MARK2: variants seen among roughly 807,000 people sequenced by gnomAD.
MARK2 encodes microtubule affinity regulating kinase 2.
MARK2 carries 16 observed loss-of-function variants against 89.8 expected under a neutral mutation model. That is an observed-to-expected ratio of 0.18 (90% confidence interval 0.12 to 0.27). The LOEUF (loss-of-function observed/expected upper bound fraction) is 0.27, where lower values mean the gene tolerates loss of function less well. MARK2 is among the 10% of genes least tolerant of loss of function. MARK2 has a pLI of 1.00. For synonymous variants in MARK2, 382 were observed against 399.5 expected, an observed-to-expected ratio of 0.96 and a Z score of 0.52; for missense variants, 621 against 1,049.9, an observed-to-expected ratio of 0.59 and a Z score of 5.65.
At chr11:63,901,720 G>GTA (rs1554985528) in intron 11 of MARK2, among the ~76,000 whole-genome samples, 1 of 151,492 alleles carries the variant, frequency 6.6e-6, no homozygotes, top group Non-Finnish European at 1.5e-5. Flanking sequence ...GTGTGTGTGT[G>GTA]TGTATGTGTC....
At chr11:63,840,600 GTA>G (rs1395876146) in intron 1 of MARK2, among the ~76,000 whole-genome samples, 1 of 152,158 alleles carries the variant, frequency 6.6e-6, no homozygotes, top group Non-Finnish European at 1.5e-5. Context: ...GGCACTTAGA[GTA>G]TTTTCTTTCT....
chr11:63,896,791 T>C (rs1487138034), intron 3 of MARK2, among the ~76,000 whole-genome samples: 1 of 152,172 alleles, frequency 6.6e-6, no homozygotes, highest in African/African-American at 2.4e-5. Context: ...GGGCTGCTTA[T>C]GACATCCTGG....
chr11:63,904,433 G>T lies in MARK2; in HGVS notation c.1676+286G>T, dbSNP rs757816416. On this transcript the variant is annotated intron_variant, in intron 15 of 18. Transcript: ENST00000402010. This position sits in a 1 kb window ranked among gnomAD's most constrained non-coding sequence, Gnocchi z 6.3. ...TTCCAGGGTTTCCTTAGGGACCCCG[G>T]GGATAGTCGGCATCACAGGGACTCA... Among the ~76,000 whole-genome samples, 1 of 152,148 alleles carries T rather than the reference G, an allele frequency of 6.6e-6. No homozygotes were observed.
chr11:63,857,713 T>C (rs1272001990), intron 1 of MARK2, among the ~76,000 whole-genome samples: 1 of 152,256 alleles, frequency 6.6e-6, no homozygotes, highest in South Asian at 2.1e-4. Context: ...AAAATTCATA[T>C]AAACAAAAGC....
At chr11:63,882,576 C>G in intron 1 of MARK2, 1 of 151,966 alleles carries the variant, frequency 6.6e-6, no homozygotes, top group South Asian at 2.1e-4. Flanking sequence ...AGGAGCGAAA[C>G]TCTGTCTCAA....
chr11:63,871,062 A>G (rs971443432), intron 1 of MARK2, among the ~76,000 whole-genome samples: 2 of 152,222 alleles, frequency 1.3e-5, no homozygotes, highest in African/African-American at 4.8e-5. Context: ...GTATATGTGT[A>G]TATACCTACA....
intron 1 of MARK2, among the ~76,000 whole-genome samples, chr11:63,889,768 G>T (rs1053236422): frequency 2.0e-5 from 3 of 152,230 alleles, no homozygotes; most frequent in Non-Finnish European, 4.4e-5. Flanking sequence ...TAACTGCCTT[G>T]CAGGGTGACC....
At chr11:63,875,533 T>A (rs1938697979) in intron 1 of MARK2, among the ~76,000 whole-genome samples, 1 of 152,164 alleles carries the variant, frequency 6.6e-6, no homozygotes, top group African/African-American at 2.4e-5. Context: ...ATTACAGGTG[T>A]GAGACACTGT....
At chr11:63,847,748 C>T (rs1474728812) in intron 1 of MARK2, among the ~76,000 whole-genome samples, 1 of 152,214 alleles carries the variant, frequency 6.6e-6, no homozygotes, top group Non-Finnish European at 1.5e-5. Flanking sequence ...ATACACCTTT[C>T]ACTGAAAGCT....
At chr11:63,880,695 A>G (rs138811368) in intron 1 of MARK2, among the ~76,000 whole-genome samples, 15 of 152,310 alleles carry the variant, frequency 9.8e-5, no homozygotes, top group African/African-American at 3.6e-4. Flanking sequence ...GATGAAAGGA[A>G]GGCTAGGGCT....
intron 4 of MARK2, 94 bp from the exon 5 acceptor site, chr11:63,898,514 A>T: frequency 9.7e-7 from 1 of 1,026,114 alleles, no homozygotes; most frequent in Non-Finnish European, 1.5e-6. Context: ...AAAGGAGGGG[A>T]GACTTTCGTT....
chr11:63,884,028 G>A (rs1939253674), intron 1 of MARK2, among the ~76,000 whole-genome samples: 1 of 152,254 alleles, frequency 6.6e-6, no homozygotes, highest in South Asian at 2.1e-4. Flanking sequence ...GAGGTGGGCA[G>A]AGCGACTATA....
At chr11:63,858,677 A>G (rs1233248615) in intron 1 of MARK2, among the ~76,000 whole-genome samples, 1 of 152,200 alleles carries the variant, frequency 6.6e-6, no homozygotes, top group African/African-American at 2.4e-5. Flanking sequence ...TACAATAAAT[A>G]TCAGTAGCTA....
At chr11:63,853,388 A>C (rs532072512) in intron 1 of MARK2, among the ~76,000 whole-genome samples, 27 of 151,900 alleles carry the variant, frequency 1.8e-4, no homozygotes, top group Non-Finnish European at 1.5e-5. Context: ...GACAAGAGCG[A>C]AACTAAAAAA....
At chr11:63,841,731 TG>T (rs1046051112) in intron 1 of MARK2, among the ~76,000 whole-genome samples, 3 of 152,152 alleles carry the variant, frequency 2.0e-5, no homozygotes, top group Non-Finnish European at 1.5e-5. Context: ...GTGAGGCTGG[TG>T]GGGGGCATTG....
intron 1 of MARK2, among the ~76,000 whole-genome samples, chr11:63,848,066 GAGCT>G (rs2135201848): frequency 6.6e-6 from 1 of 152,340 alleles, no homozygotes; most frequent in African/African-American, 2.4e-5. Flanking sequence ...GGAAAGGTGG[GAGCT>G]TCCGGTCACC....
At chr11:63,893,042 G>A (rs997256475) in intron 1 of MARK2, among the ~76,000 whole-genome samples, 2 of 150,490 alleles carry the variant, frequency 1.3e-5, no homozygotes, top group Non-Finnish European at 3.0e-5. Flanking sequence ...CCTAGTAGCT[G>A]GGATTACAGG....
intron 1 of MARK2, among the ~76,000 whole-genome samples, chr11:63,882,113 T>TA (rs1939124270): frequency 6.6e-6 from 1 of 152,164 alleles, no homozygotes; most frequent in Admixed American, 6.5e-5. Context: ...GCGCATAGGA[T>TA]AGATGACCAC....
At chr11:63,857,377 C>A (rs917149720) in intron 1 of MARK2, among the ~76,000 whole-genome samples, 1 of 151,874 alleles carries the variant, frequency 6.6e-6, no homozygotes, top group Admixed American at 6.6e-5. Context: ...TCAGGCTGGT[C>A]TCCATGTTGG....
Sources: gnomAD v4.1 joint callset for allele counts (sites outside exome capture counted in the v4.1 genomes callset) on GRCh38, gnomAD v4.1.1 for gene constraint, Gnocchi (gnomAD v3.1) non-coding constraint, MANE v1.5 for transcripts, NCBI Gene and HGNC (gene_info 2026-07-23, HGNC 2026-07-21) for gene names.